Variants in DYM observed in about 807,000 individuals in gnomAD.
DYM encodes the protein dyggve-Melchior-Clausen syndrome protein.
Under a neutral mutation model 93.1 loss-of-function variants are expected in DYM, and 78 were observed. The observed-to-expected ratio is 0.84, with a 90% CI of 0.70 to 1.01. The LOEUF (loss-of-function observed/expected upper bound fraction) is 1.01, where lower values mean the gene tolerates loss of function less well. DYM is among the 50% of genes least tolerant of loss of function. The probability of loss-of-function intolerance (pLI) is 0.00; values close to 1 mark genes in which losing one functional copy is unlikely to be tolerated. For missense variants in DYM, 789 were observed against 845.0 expected, an observed-to-expected ratio of 0.93 and a Z score of 0.82; for synonymous variants, 321 against 319.7, an observed-to-expected ratio of 1.00 and a Z score of -0.04.
chr18:49,104,990 G>A (rs2080631592), intron 16 of DYM, among the ~76,000 whole-genome samples: 1 of 152,196 alleles, frequency 6.6e-6, no homozygotes, highest in Non-Finnish European at 1.5e-5. Context: ...AATAGTACCA[G>A]CTCCTCTTTG....
Position 49,282,111 on chromosome 18 carries a change from T to A in DYM, c.1011A>T (p.Thr337=). 1 of 1,614,010 alleles carries A rather than the reference T, an allele frequency of 6.2e-7. No individual in the cohort carries two copies. ...CAGATGTCTGCTGTTCACAAAGAGC[T>A]GTGTACAAACTATTAAAGTTGATCT... The part of the protein sequence containing the change: ...AFQINFNSLY[T]ALCEQQTSDQ... Residue 337 remains threonine (T), a synonymous_variant, in exon 10 of 18, where the codon ACA becomes ACT. Transcript: ENST00000675505.
At chr18:49,319,782 T>G (rs2062321400) in intron 8 of DYM, among the ~76,000 whole-genome samples, 2 of 152,170 alleles carry the variant, frequency 1.3e-5, no homozygotes, top group South Asian at 4.1e-4. Flanking sequence ...CCTCTTCCAA[T>G]CCACCACCCT....
intron 13 of DYM, among the ~76,000 whole-genome samples, chr18:49,233,922 C>T (rs1016789207): frequency 6.6e-6 from 1 of 151,722 alleles, no homozygotes; most frequent in Non-Finnish European, 1.5e-5. Context: ...GTCAAGAGAT[C>T]GAGACCATCC....
At chr18:49,196,702 A>G (rs2091484681) in intron 14 of DYM, among the ~76,000 whole-genome samples, 1 of 152,240 alleles carries the variant, frequency 6.6e-6, no homozygotes, top group Admixed American at 6.5e-5. Flanking sequence ...CTCCTGGAAG[A>G]GAAAGCACAA....
At chr18:49,391,092 A>G (rs1051896462) in intron 3 of DYM, among the ~76,000 whole-genome samples, 7 of 152,212 alleles carry the variant, frequency 4.6e-5, no homozygotes, top group South Asian at 2.1e-4. Context: ...TTTTCCTTAT[A>G]AGAATCCTGT....
chr18:49,311,744 G>T (rs1226827061), intron 8 of DYM, among the ~76,000 whole-genome samples: 2 of 125,438 alleles, frequency 1.6e-5, no homozygotes, highest in Admixed American at 1.7e-4. Context: ...GGGGGAGGGG[G>T]AGGTATAGCA....
At chr18:49,313,488 AAAAAAAAAAG>A (rs2061733858) in intron 8 of DYM, among the ~76,000 whole-genome samples, 1 of 142,336 alleles carries the variant, frequency 7.0e-6, no homozygotes, top group African/African-American at 2.5e-5. Context: ...AAAAAAAAAA[AAAAAAAAAAG>A]GGCTGCAGTA....
At chr18:49,400,675 G>GCA (rs2070711987) in intron 2 of DYM, among the ~76,000 whole-genome samples, 1 of 151,928 alleles carries the variant, frequency 6.6e-6, no homozygotes. Flanking sequence ...AATCAGCCAG[G>GCA]CACACCCCTG....
chr18:49,446,429 AAAAT>A (rs1452726326), intron 1 of DYM, among the ~76,000 whole-genome samples: 11 of 152,338 alleles, frequency 7.2e-5, no homozygotes, highest in African/African-American at 2.6e-4. Context: ...AAAAAATATC[AAAAT>A]AAATAAGAGA....
intron 6 of DYM, among the ~76,000 whole-genome samples, chr18:49,340,609 C>G (rs1018617423): frequency 4.6e-5 from 7 of 152,190 alleles, no homozygotes; most frequent in African/African-American, 1.2e-4. Flanking sequence ...TAGCCAAATT[C>G]AACCCTATGT....
At chr18:49,371,945 G>A (rs147825846) in intron 5 of DYM, among the ~76,000 whole-genome samples, 2 of 152,144 alleles carry the variant, frequency 1.3e-5, no homozygotes, top group Admixed American at 6.5e-5. Flanking sequence ...CACTGAAAAT[G>A]CCAGCAATAT....
At chr18:49,344,897 A>T (rs1235514617) in intron 6 of DYM, among the ~76,000 whole-genome samples, 1 of 152,222 alleles carries the variant, frequency 6.6e-6, no homozygotes, top group Non-Finnish European at 1.5e-5. Context: ...GGGCAGATAA[A>T]TAAATATGTT....
intron 14 of DYM, among the ~76,000 whole-genome samples, chr18:49,203,618 G>A (rs575374885): frequency 2.8e-5 from 4 of 141,500 alleles, no homozygotes; most frequent in African/African-American, 7.9e-5. Context: ...TAAGGGCGGT[G>A]CAAGATGTGC....
intron 13 of DYM, among the ~76,000 whole-genome samples, chr18:49,235,703 CA>C (rs1345597400): frequency 6.7e-6 from 1 of 149,014 alleles, no homozygotes; most frequent in African/African-American, 2.5e-5. Context: ...CACACACCAG[CA>C]AAACAGGTGC....
At chr18:49,437,062 G>A (rs2080923818) in intron 1 of DYM, among the ~76,000 whole-genome samples, 1 of 151,978 alleles carries the variant, frequency 6.6e-6, no homozygotes, top group African/African-American at 2.4e-5. Flanking sequence ...TTTGTCAGAT[G>A]TTTCTGTTTA....
intron 13 of DYM, among the ~76,000 whole-genome samples, chr18:49,229,547 G>A (rs2093636929): frequency 6.6e-6 from 1 of 152,112 alleles, no homozygotes; most frequent in South Asian, 2.1e-4. Flanking sequence ...TGTCATTAGG[G>A]AAATGCAAAT....
chr18:49,140,021 G>C (rs1263501995), intron 15 of DYM, among the ~76,000 whole-genome samples: 2 of 151,950 alleles, frequency 1.3e-5, no homozygotes, highest in Non-Finnish European at 2.9e-5. Context: ...CTGTACTTAC[G>C]CCCACAGGCT....
intron 2 of DYM, among the ~76,000 whole-genome samples, chr18:49,399,020 T>C (rs752379799): frequency 3.9e-5 from 6 of 152,252 alleles, no homozygotes; most frequent in Non-Finnish European, 8.8e-5. Flanking sequence ...TATACACATA[T>C]GGCTGTAATC....
rs1555650027 is a variant in DYM at position 49,229,150 on chromosome 18, A to AT, written c.1461-19436dup. Reference sequence around the variant, plus strand: ...AACTAATTTTAGATTTATTAACCTAATAATCTAATAATTCCAAATTACTTG... The same window carrying AT: ...AACTAATTTTAGATTTATTAACCTAATTAATCTAATAATTCCAAATTACTTG... On this transcript the variant is annotated intron_variant, in intron 13 of 17. Transcript: ENST00000675505. 4.6e-5 allele frequency among the ~76,000 whole-genome samples: 7 copies of AT among 151,988 alleles called. No homozygotes were observed. The South Asian group carries it at 1.5e-3, about 31-fold the overall frequency.
Sources: allele counts gnomAD v4.1 joint callset (sites outside exome capture counted in the v4.1 genomes callset), GRCh38; gene constraint gnomAD v4.1.1; transcripts MANE v1.5; gene names NCBI Gene and HGNC (gene_info 2026-07-23, HGNC 2026-07-21).